Variants in HAUS8 observed in about 807,000 individuals in gnomAD.
HAUS8 encodes HAUS augmin like complex subunit 8, also known as HAUS augmin-like complex subunit 8.
A neutral mutation model predicts 42.9 loss-of-function variants in HAUS8; 38 were observed. The observed-to-expected ratio is 0.89, with a 90% CI of 0.68 to 1.16. HAUS8 has a LOEUF of 1.16. HAUS8 is among the 50% of genes most tolerant of loss of function. The pLI is 0.00. For missense variants in HAUS8, 494 were observed against 511.6 expected (o/e 0.97, Z 0.33); for synonymous variants, 199 against 205.8 (o/e 0.97, Z 0.28).
Position 17,055,903 on chromosome 19 carries a change from CG to C in HAUS8, c.744del (p.Val249Ter), listed in dbSNP as rs966220457. On this transcript the variant is annotated frameshift_variant, in exon 9 of 11. Coordinates refer to ENST00000253669, the MANE Select transcript of HAUS8 (RefSeq NM_033417.2). LOFTEE classifies it high-confidence loss of function. ...TCTCCCTCCAGGTGGATGGACCTCA[CG>C]GGCAGCTCGTGCCTGGTAGTGTCCA... The part of the protein sequence containing the change: ...TALDTTRHEL[P>X]VRSIHLEGDG... The C allele has an allele frequency of 6.2e-7, 1 of 1,614,026 alleles. No individual in the cohort carries two copies. Among genetic ancestry groups the C allele is most frequent in the African/African-American group, 1.3e-5 (1 of 74,944 alleles).
intron 9 of HAUS8, chr19:17,055,140 AAAAATATATATATATATATATATATATAT>A (rs2057314866): frequency 2.1e-4 from 4 of 18,770 alleles, no homozygotes; most frequent in African/African-American, 3.9e-4. Context: ...AAAAAAAAAA[AAAAATATATATATATATATATATATATAT>A]ATATATATAT....
chr19:17,067,757 G>A (rs946014526), intron 3 of HAUS8, among the ~76,000 whole-genome samples: 3 of 152,050 alleles, frequency 2.0e-5, no homozygotes, highest in African/African-American at 7.2e-5. Context: ...TAAGTCACAG[G>A]GTCGAGAACC....
In HAUS8 at chr19:17,050,111, T is replaced by C; in HGVS notation, c.995A>G (p.Glu332Gly). 6.3e-7 allele frequency: 1 copy of C among 1,578,974 alleles called. No homozygotes were observed. Among genetic ancestry groups the C allele is most frequent in the South Asian group, 1.2e-5 (1 of 86,304 alleles). Residue 332 changes from glutamate to glycine, a missense_variant, in exon 11 of 11, where the codon GAA becomes GGA. Physicochemically the swap from Glu to Gly is moderately conservative, Grantham distance 98 (BLOSUM62 -2). Coordinates refer to ENST00000253669, the MANE Select transcript of HAUS8 (RefSeq NM_033417.2). Reference sequence around the variant, plus strand: ...CATGCCCTGGGTCTCTTCCCAGACTTCCTGGTTTGCCAAGGCTGCCTCTTT... The same window carrying C: ...CATGCCCTGGGTCTCTTCCCAGACTCCCTGGTTTGCCAAGGCTGCCTCTTT... The part of the protein sequence containing the change: ...ASKEAALANQ[E>G]VWEETQGMAP...
At position 17,059,584 on chromosome 19, in the gene HAUS8, T is replaced by C. The variant is rs771671301; in HGVS notation, c.393A>G (p.Ser131=). Residue 131 remains serine, a synonymous_variant, in exon 6 of 11, where the codon TCA becomes TCG. Coordinates refer to ENST00000253669, the MANE Select transcript of HAUS8 (RefSeq NM_033417.2). ...GGCTCTTTTTCCGAGGGGCAGAAAA[T>C]GATGTTGACTCAGGTTTCTTTGATA... The part of the protein sequence containing the change: ...KTISKKPEST[S]FSAPRKKSPD... 1.9e-6 allele frequency: 3 copies of C among 1,613,776 alleles called. No homozygotes were observed. The highest frequency in any genetic ancestry group is 2.2e-5 in the East Asian group (1 of 44,884).
intron 3 of HAUS8, among the ~76,000 whole-genome samples, chr19:17,064,976 T>C (rs1352437411): frequency 5.3e-5 from 8 of 152,262 alleles, no homozygotes; most frequent in Middle Eastern, 3.4e-3. Flanking sequence ...ATCCAGAATA[T>C]AGAAAGCACC....
intron 3 of HAUS8, among the ~76,000 whole-genome samples, chr19:17,063,339 A>G (rs1271906769): frequency 6.6e-6 from 1 of 152,176 alleles, no homozygotes; most frequent in Non-Finnish European, 1.5e-5. Context: ...ATCCTGGGAG[A>G]CAGAGCAAGA....
upstream of HAUS8, chr19:17,075,489 CG>C (rs2057467834): frequency 2.5e-6 from 4 of 1,574,678 alleles, no homozygotes; most frequent in Non-Finnish European, 2.6e-6. Flanking sequence ...CCCTTGCTTG[CG>C]GGTCGGACCA....
chr19:17,064,681 C>T (rs927973140), intron 3 of HAUS8, among the ~76,000 whole-genome samples: 1 of 152,164 alleles, frequency 6.6e-6, no homozygotes, highest in Non-Finnish European at 1.5e-5. Flanking sequence ...AAAAAACGAA[C>T]TTTGATTTAA....
intron 2 of HAUS8, among the ~76,000 whole-genome samples, chr19:17,072,366 T>TG (rs2057432069): frequency 8.3e-6 from 1 of 119,810 alleles, no homozygotes; most frequent in East Asian, 2.4e-4. Context: ...TTTTTTGAGA[T>TG]GGAGTTTCGC....
At chr19:17,071,888 G>A (rs1021730328) in intron 2 of HAUS8, among the ~76,000 whole-genome samples, 3 of 152,102 alleles carry the variant, frequency 2.0e-5, no homozygotes, top group African/African-American at 7.2e-5. Flanking sequence ...TTGGGAGGCT[G>A]AGGCAGAGAA....
chr19:17,060,426 T>A (rs2057353611), intron 4 of HAUS8, among the ~76,000 whole-genome samples: 2 of 152,188 alleles, frequency 1.3e-5, no homozygotes, highest in Admixed American at 1.3e-4. Context: ...ACCTTTTTTG[T>A]TTTTGAGACG....
chr19:17,074,001 A>G (rs2057446401), intron 1 of HAUS8: 2 of 139,486 alleles, frequency 1.4e-5, no homozygotes, highest in Admixed American at 7.2e-5. Flanking sequence ...CTCCGTCTCA[A>G]TAAATAAATA....
rs1359807713 is a variant in HAUS8 at position 17,052,958 on chromosome 19, G to A, written c.796C>T (p.Gln266Ter). 2.5e-6 allele frequency: 4 copies of A among 1,614,212 alleles called. No individual in the cohort carries two copies. The highest frequency in any genetic ancestry group is 1.7e-5 in the Admixed American group (1 of 60,020). ...GDGQQLLDAL[Q>*]HELVTTQRLL... ...CGCTGAGTGGTCACCAGTTCATGCT[G>A]CAGGGCGTCTGGAGGGGAAGAGGGA... Residue 266 changes from glutamine to a stop codon, truncating the protein, a stop_gained, in exon 10 of 11, where the codon CAG becomes TAG. Coordinates refer to ENST00000253669, the MANE Select transcript of HAUS8 (RefSeq NM_033417.2). LOFTEE classifies it high-confidence loss of function.
intron 2 of HAUS8, among the ~76,000 whole-genome samples, chr19:17,071,851 G>A (rs1364912994): frequency 6.6e-6 from 1 of 152,038 alleles, no homozygotes; most frequent in Non-Finnish European, 1.5e-5. Flanking sequence ...ACAAAAATGA[G>A]CCAGGATGGT....
At position 17,055,904 on chromosome 19, in the gene HAUS8, G is replaced by A. The variant is rs745312480; in HGVS notation, c.744C>T (p.Pro248=). The A allele has an allele frequency of 3.9e-5, 63 of 1,614,028 alleles. No homozygotes were observed. Among genetic ancestry groups the A allele is most frequent in the South Asian group, 6.6e-5 (6 of 91,078 alleles). Residue 248 remains proline (P), a synonymous_variant, in exon 9 of 11, where the codon CCC becomes CCT. Transcript: ENST00000253669. ...TALDTTRHEL[P]VRSIHLEGDG... ...CTCCCTCCAGGTGGATGGACCTCAC[G>A]GGCAGCTCGTGCCTGGTAGTGTCCA...
At chr19:17,072,656 T>G (rs1266731540) in intron 2 of HAUS8, among the ~76,000 whole-genome samples, 1 of 151,964 alleles carries the variant, frequency 6.6e-6, no homozygotes, top group Non-Finnish European at 1.5e-5. Flanking sequence ...CCTTTTTTTT[T>G]GTTTTGTTTT....
Position 17,052,975 on chromosome 19 carries a change from G to T in HAUS8, c.788-9C>A. ...TTCATGCTGCAGGGCGTCTGGAGGG[G>T]AAGAGGGATGGTGGGCGATGGATGG... is the stretch of plus-strand genomic sequence containing the variant. On this transcript the variant is annotated splice_polypyrimidine_tract_variant and intron_variant, in intron 9 of 10. Coordinates refer to ENST00000253669, the MANE Select transcript of HAUS8 (RefSeq NM_033417.2). 6.2e-7 allele frequency: 1 copy of T among 1,614,072 alleles called. No individual in the cohort carries two copies. Among genetic ancestry groups the T allele is most frequent in the Non-Finnish European group, 8.5e-7 (1 of 1,179,924 alleles).
chr19:17,051,399 A>G (rs201070393), intron 10 of HAUS8, among the ~76,000 whole-genome samples: 7 of 142,696 alleles, frequency 4.9e-5, no homozygotes, highest in Middle Eastern at 3.7e-3. Context: ...TAAAAAAAAA[A>G]GCGGGGGGAG....
chr19:17,068,338 T>C (rs922352693), intron 3 of HAUS8, among the ~76,000 whole-genome samples: 1 of 152,118 alleles, frequency 6.6e-6, no homozygotes, highest in East Asian at 1.9e-4. Flanking sequence ...GGTCTCGAAC[T>C]CCTAGCCTCA....
Sources: allele counts gnomAD v4.1 joint callset (sites outside exome capture counted in the v4.1 genomes callset), GRCh38; gene constraint gnomAD v4.1.1; transcripts MANE v1.5; gene names NCBI Gene and HGNC (gene_info 2026-07-23, HGNC 2026-07-21).